The following NRXN3 variants were observed in gnomAD, a reference collection of about 807,000 sequenced individuals.
NRXN3 encodes neurexin III.
In NRXN3, 32 loss-of-function variants were observed where a neutral mutation model predicts 137.6. The observed-to-expected ratio is 0.23, with a 90% confidence interval of 0.18 to 0.31. NRXN3 has a LOEUF of 0.31. NRXN3 is among the 10% of genes least tolerant of loss of function. The pLI, the probability that NRXN3 is intolerant of heterozygous loss-of-function variation, is 1.00. For missense variants in NRXN3, 1,574 were observed against 2,062.5 expected, an observed-to-expected ratio of 0.76 and a Z score of 4.59; for synonymous variants, 798 against 784.5, an observed-to-expected ratio of 1.02 and a Z score of -0.29.
At chr14:79,845,171 TG>T (rs2099364424) in intron 20 of NRXN3, among the ~76,000 whole-genome samples, 1 of 152,218 alleles carries the variant, frequency 6.6e-6, no homozygotes, top group Admixed American at 6.5e-5. Context: ...CATTAGGGTT[TG>T]GTTAACAGGA....
At chr14:79,354,214 T>C (rs1396266278) in intron 15 of NRXN3, among the ~76,000 whole-genome samples, 1 of 152,128 alleles carries the variant, frequency 6.6e-6, no homozygotes, top group East Asian at 1.9e-4. Flanking sequence ...AAATGACTTG[T>C]GATGAGGTTT....
intron 15 of NRXN3, among the ~76,000 whole-genome samples, chr14:79,311,032 C>T (rs2087173963): frequency 8.0e-6 from 1 of 125,586 alleles, no homozygotes; most frequent in Admixed American, 8.0e-5. Flanking sequence ...GGGAATGCTT[C>T]CAGTTTTTGC....
intron 16 of NRXN3, among the ~76,000 whole-genome samples, chr14:79,505,958 G>A (rs2096874244): frequency 1.3e-5 from 2 of 152,166 alleles, no homozygotes; most frequent in Non-Finnish European, 2.9e-5. Flanking sequence ...CTCATCTAAA[G>A]ACTCAACAGG....
At chr14:79,750,704 C>A (rs1337399645) in intron 19 of NRXN3, among the ~76,000 whole-genome samples, 5 of 152,242 alleles carry the variant, frequency 3.3e-5, no homozygotes, top group East Asian at 1.9e-4. Flanking sequence ...TTGACTGAGT[C>A]ATACATCTCT....
chr14:78,254,678 C>CAAA (rs36116506), intron 2 of NRXN3, among the ~76,000 whole-genome samples: 2,173 of 122,088 alleles, frequency 0.018, 60 homozygotes, highest in African/African-American at 0.068. Context: ...ACTCCATCTC[C>CAAA]AAAAAAAAAA....
intron 19 of NRXN3, among the ~76,000 whole-genome samples, chr14:79,736,237 C>G (rs1340143798): frequency 2.0e-5 from 3 of 152,162 alleles, no homozygotes; most frequent in Admixed American, 6.5e-5. Flanking sequence ...ATTTTACTCT[C>G]TCTTCTGAAT....
chr14:79,558,309 A>G (rs2097452002), intron 16 of NRXN3, among the ~76,000 whole-genome samples: 1 of 152,164 alleles, frequency 6.6e-6, no homozygotes, highest in Non-Finnish European at 1.5e-5. Context: ...AGAATATTTC[A>G]ATGTACTTCG....
chr14:79,805,935 T>C (rs1242473337), intron 20 of NRXN3, among the ~76,000 whole-genome samples: 1 of 152,136 alleles, frequency 6.6e-6, no homozygotes, highest in Non-Finnish European at 1.5e-5. Context: ...TGTTTTATGG[T>C]CTTTCTTTAT....
At chr14:78,733,942 T>C (rs1465508296) in intron 8 of NRXN3, among the ~76,000 whole-genome samples, 1 of 152,168 alleles carries the variant, frequency 6.6e-6, no homozygotes, top group Non-Finnish European at 1.5e-5. Flanking sequence ...ACATGAAGTC[T>C]ATTGAACAAA....
intron 8 of NRXN3, among the ~76,000 whole-genome samples, chr14:78,734,437 A>C (rs1595331255): frequency 6.6e-6 from 1 of 152,176 alleles, no homozygotes; most frequent in Non-Finnish European, 1.5e-5. Context: ...TATTTACTCA[A>C]ATATTAGTTA....
intron 10 of NRXN3, among the ~76,000 whole-genome samples, chr14:78,928,373 A>C (rs1403117680): frequency 3.3e-5 from 5 of 152,018 alleles, no homozygotes; most frequent in East Asian, 1.9e-4. Flanking sequence ...ATATGTATAC[A>C]TGTGCCATGT....
intron 4 of NRXN3, among the ~76,000 whole-genome samples, chr14:78,450,337 T>C (rs17107634): frequency 0.038 from 5,731 of 152,320 alleles, 306 homozygotes; most frequent in East Asian, 0.29. Flanking sequence ...AAAAATGTTT[T>C]GTGCCACAGG....
intron 20 of NRXN3, among the ~76,000 whole-genome samples, chr14:79,816,803 G>T (rs2099252852): frequency 6.6e-6 from 1 of 152,148 alleles, no homozygotes; most frequent in Non-Finnish European, 1.5e-5. Flanking sequence ...TTTTCTAATA[G>T]AGTAAGCTAG....
chr14:78,710,984 C>A (rs1330204076), intron 7 of NRXN3, among the ~76,000 whole-genome samples: 3 of 152,172 alleles, frequency 2.0e-5, no homozygotes, highest in African/African-American at 7.2e-5. Context: ...AAATTAATTT[C>A]TTTGGAGGCT....
intron 3 of NRXN3, among the ~76,000 whole-genome samples, chr14:78,286,649 C>T (rs535092923): frequency 6.6e-6 from 1 of 152,276 alleles, no homozygotes; most frequent in Admixed American, 6.5e-5. Context: ...ATGCACTGGG[C>T]AGGTGGTCCG....
At chr14:79,719,550 T>C (rs1347967758) in intron 19 of NRXN3, among the ~76,000 whole-genome samples, 1 of 151,956 alleles carries the variant, frequency 6.6e-6, no homozygotes. Flanking sequence ...TGCTCAAATA[T>C]CCTGAATTTT....
At chr14:78,739,068 C>G (rs1384494710) in intron 8 of NRXN3, among the ~76,000 whole-genome samples, 1 of 152,342 alleles carries the variant, frequency 6.6e-6, no homozygotes, top group Middle Eastern at 3.4e-3. Flanking sequence ...TCCCCAGATC[C>G]TATTCTCCGT....
At chr14:79,833,414 G>A (rs191636848) in intron 20 of NRXN3, among the ~76,000 whole-genome samples, 2 of 152,048 alleles carry the variant, frequency 1.3e-5, no homozygotes, top group Non-Finnish European at 2.9e-5. Context: ...ATTTTATGGT[G>A]CCTTTGCCTC....
intron 19 of NRXN3, among the ~76,000 whole-genome samples, chr14:79,778,002 A>G (rs904561471): frequency 6.6e-6 from 1 of 152,116 alleles, no homozygotes; most frequent in African/African-American, 2.4e-5. Flanking sequence ...ATGCACTGTA[A>G]CTTCTCTATA....
Sources: allele counts gnomAD v4.1 joint callset (sites outside exome capture counted in the v4.1 genomes callset), GRCh38; gene constraint gnomAD v4.1.1; transcripts MANE v1.5; gene names NCBI Gene and HGNC (gene_info 2026-07-23, HGNC 2026-07-21).